Variants in HPD observed in about 807,000 individuals in gnomAD.
HPD encodes 4-hydroxyphenylpyruvate dioxygenase, also known as 4-hydroxyphenylpyruvic acid oxidase.
In HPD, 35 loss-of-function variants were observed where a neutral mutation model predicts 56.9. That is an observed-to-expected ratio of 0.62 (90% CI 0.47 to 0.82). HPD has a LOEUF of 0.82. Ranked by LOEUF, HPD falls within the 40% of genes least tolerant of loss-of-function variation. The pLI is 0.00. For synonymous variants in HPD, 186 were observed against 200.2 expected (o/e 0.93, Z 0.60); for missense variants, 442 against 506.8 (o/e 0.87, Z 1.23).
chr12:121,848,795 G>A (rs996589236), intron 9 of HPD, among the ~76,000 whole-genome samples: 5 of 151,958 alleles, frequency 3.3e-5, no homozygotes, highest in African/African-American at 1.2e-4. Flanking sequence ...TAGTAGAGAC[G>A]GGGTTTCTCC....
At chr12:121,872,932 TC>T in the HPD span, among the ~76,000 whole-genome samples, 1 of 152,026 alleles carries the variant, frequency 6.6e-6, no homozygotes, top group African/African-American at 2.4e-5. Flanking sequence ...CAAACCTTTT[TC>T]CCTTTTGCTT....
upstream of HPD, among the ~76,000 whole-genome samples, chr12:121,861,408 G>GGCAGGAGAATCACTTGAAC (rs1411192384): frequency 1.2e-4 from 19 of 152,022 alleles, no homozygotes; most frequent in Admixed American, 1.1e-3. Flanking sequence ...GGGAGGCTGA[G>GGCAGGAGAATCACTTGAAC]GCAGGAGAAT....
chr12:121,859,162 G>A (rs1166144412), upstream of HPD: 3 of 405,218 alleles, frequency 7.4e-6, no homozygotes, highest in Non-Finnish European at 9.3e-6. Flanking sequence ...AAGGCCGGCT[G>A]GAGTGCAGTG....
chr12:121,875,369 GTAGA>G, the HPD span, among the ~76,000 whole-genome samples: 1 of 151,730 alleles, frequency 6.6e-6, no homozygotes. Context: ...ATTCTGTGGT[GTAGA>G]TACTCTGTAT....
chr12:121,872,169 G>A, the HPD span, among the ~76,000 whole-genome samples: 8 of 149,666 alleles, frequency 5.3e-5, no homozygotes, highest in African/African-American at 2.0e-4. Context: ...AACCTGGGAG[G>A]CGGAGGTTGC....
upstream of HPD, among the ~76,000 whole-genome samples, chr12:121,862,596 C>CTT (rs146807602): frequency 3.5e-4 from 15 of 43,094 alleles, no homozygotes; most frequent in East Asian, 1.2e-3. Context: ...CGCTCTCGGC[C>CTT]TTTTTTTTTT....
intron 11 of HPD, among the ~76,000 whole-genome samples, chr12:121,844,609 C>T (rs538273569): frequency 6.9e-6 from 1 of 145,152 alleles, no homozygotes; most frequent in African/African-American, 2.6e-5. Context: ...AAAGGCCGGG[C>T]GAGGTGGCTC....
At chr12:121,840,340 A>G (rs1566566904) in intron 12 of HPD, among the ~76,000 whole-genome samples, 1 of 152,016 alleles carries the variant, frequency 6.6e-6, no homozygotes, top group Non-Finnish European at 1.5e-5. Flanking sequence ...TTGCGCTGTT[A>G]CCCAGGCTGG....
At chr12:121,842,967 C>T (rs369193204) in intron 12 of HPD, among the ~76,000 whole-genome samples, 57 of 151,284 alleles carry the variant, frequency 3.8e-4, no homozygotes, top group African/African-American at 1.3e-3. Context: ...AGGCTGGTCT[C>T]GAACTCCTGA....
chr12:121,870,823 C>T, the HPD span, among the ~76,000 whole-genome samples: 19 of 151,766 alleles, frequency 1.3e-4, no homozygotes, highest in African/African-American at 3.9e-4. Flanking sequence ...CGTGAACTCC[C>T]GACCTCAGTT....
chr12:121,871,999 G>A, the HPD span, among the ~76,000 whole-genome samples: 1 of 151,090 alleles, frequency 6.6e-6, no homozygotes, highest in Non-Finnish European at 1.5e-5. Context: ...TTGGGAGGCC[G>A]AGGCGGGTGG....
chr12:121,870,968 G>A, the HPD span, among the ~76,000 whole-genome samples: 2 of 152,092 alleles, frequency 1.3e-5, no homozygotes, highest in Admixed American at 1.3e-4. Flanking sequence ...GTGAGCACAG[G>A]GAAGAGAGCT....
In HPD at chr12:121,839,663, T is replaced by C. The variant is rs931600760; in HGVS notation, c.*65A>G. The C allele has an allele frequency of 7.6e-5, 91 of 1,200,008 alleles. No individual in the cohort carries two copies. The highest frequency in any genetic ancestry group is 1.0e-4 in the Non-Finnish European group (82 of 805,942). 74.3% of individuals were successfully genotyped at this position (1,200,008 alleles called of 1,614,324 possible). A position where few individuals can be genotyped will look rare whatever the true frequency, so the allele number is the denominator to read the frequency against. On this transcript the variant is annotated 3_prime_UTR_variant, in exon 14 of 14. Coordinates refer to ENST00000289004, the MANE Select transcript of HPD (RefSeq NM_002150.3). ...CCAAGGGGAGCAGCCAGTAGGGAAG[T>C]TGGGCGAGTTCCAGAATCAGGGGGC...
At chr12:121,859,774 A>C (rs936410095), upstream of HPD, among the ~76,000 whole-genome samples, 1 of 152,184 alleles carries the variant, frequency 6.6e-6, no homozygotes, top group African/African-American at 2.4e-5. Flanking sequence ...GCCATTCAGG[A>C]GGCAGGCAAG....
chr12:121,869,779 C>G, the HPD span, among the ~76,000 whole-genome samples: 2 of 152,174 alleles, frequency 1.3e-5, no homozygotes, highest in African/African-American at 4.8e-5. Flanking sequence ...CCCACCTTGG[C>G]CTCCCAAAGT....
Position 121,856,530 on chromosome 12 carries a change from G to A in HPD, c.241+53C>T, listed in dbSNP as rs372311084. 4.2e-5 allele frequency: 68 copies of A among 1,608,338 alleles called. No individual in the cohort carries two copies. In the Middle Eastern group the frequency reaches 5.0e-4, roughly 12 times the overall value. On this transcript the variant is annotated intron_variant, in intron 5 of 13. Coordinates refer to ENST00000289004, the MANE Select transcript of HPD (RefSeq NM_002150.3). ...ACGGAGCCATGCGTCCACCCTCCCA[G>A]AACCCAGATCCCACCCACAGAGCCA...
At chr12:121,886,197 C>T in the HPD span, among the ~76,000 whole-genome samples, 2 of 149,552 alleles carry the variant, frequency 1.3e-5, no homozygotes, top group Non-Finnish European at 3.0e-5. Context: ...CAAGCTCTGT[C>T]TCCCAGGTTC....
At chr12:121,887,955 T>C in the HPD span, among the ~76,000 whole-genome samples, 19 of 152,314 alleles carry the variant, frequency 1.2e-4, no homozygotes, top group African/African-American at 4.3e-4. Flanking sequence ...TCAAAGTTGA[T>C]TGTTTAGGTA....
intron 2 of HPD, 83 bp from the exon 3 acceptor site, chr12:121,857,902 C>A: frequency 2.0e-6 from 2 of 1,003,118 alleles, no homozygotes; most frequent in South Asian, 1.3e-5. Context: ...CCCTAGCCAC[C>A]CTCCTTATTC....
Sources: allele counts gnomAD v4.1 joint callset (sites outside exome capture counted in the v4.1 genomes callset), GRCh38; gene constraint gnomAD v4.1.1; transcripts MANE v1.5; gene names NCBI Gene and HGNC (gene_info 2026-07-23, HGNC 2026-07-21).